C6orf118: variants seen among roughly 807,000 people sequenced by gnomAD.
The protein encoded by C6orf118 is uncharacterized protein C6orf118.
In C6orf118, 50 loss-of-function variants were observed where a neutral mutation model predicts 50.2. The ratio of observed to expected loss-of-function variants is 1.00; its 90% CI spans 0.79 to 1.26. The LOEUF (loss-of-function observed/expected upper bound fraction) is 1.26. Ranked by LOEUF, C6orf118 falls within the 50% of genes most tolerant of loss-of-function variation. C6orf118 has a pLI of 0.00. For missense variants in C6orf118, 641 were observed against 578.7 expected, an observed-to-expected ratio of 1.11 and a Z score of -1.10; for synonymous variants, 239 against 230.9, an observed-to-expected ratio of 1.03 and a Z score of -0.32.
rs772407168 is a variant in C6orf118 at position 165,301,720 on chromosome 6, T to C, written c.602A>G (p.Tyr201Cys). Residue 201 changes from tyrosine (Y) to cysteine (C), a missense_variant, in exon 2 of 9, where the codon TAT (tyrosine) becomes TGT (cysteine). Tyr to Cys is a radical substitution (Grantham distance 194). Transcript: ENST00000230301. The part of the protein sequence containing the change: ...GSRGTRDRHH[Y>C]VSSYLAGATS... ...GGCTCCGGCCAGGTAGGAGCTGACA[T>C]AGTGGTGCCGGTCCCTGGTGCCTCT... is the stretch of plus-strand genomic sequence containing the variant. 2 of 1,614,108 alleles carry C rather than the reference T, an allele frequency of 1.2e-6. No individual in the cohort carries two copies.
chr6:165,286,296 AT>A (rs538464483), intron 7 of C6orf118, among the ~76,000 whole-genome samples: 5 of 151,986 alleles, frequency 3.3e-5, no homozygotes, highest in East Asian at 1.9e-4. Context: ...TAGTCCACAA[AT>A]TTTTTTTAAA....
chr6:165,288,789 G>T (rs1780005266), intron 7 of C6orf118, among the ~76,000 whole-genome samples: 1 of 151,986 alleles, frequency 6.6e-6, no homozygotes, highest in Non-Finnish European at 1.5e-5. Context: ...TGTCAGGAGG[G>T]TGAAGGGAGG....
rs1159475888 is a variant in C6orf118 at position 165,302,164 on chromosome 6, CG to C, written c.157del (p.Arg53GlyfsTer12). 3.7e-6 allele frequency: 6 copies of C among 1,614,016 alleles called. No individual in the cohort carries two copies. The highest frequency in any genetic ancestry group is 5.1e-6 in the Non-Finnish European group (6 of 1,180,032). The stretch of plus-strand genomic sequence containing the variant: ...AGAGATGTAGAGGTAGACGTCCTCC[CG>C]GTGGTCTTTCTGAAGCCGATTCAGA... ...KLLNRLQKDH[R>X]EDVYLYISGH... On this transcript the variant is annotated frameshift_variant, in exon 2 of 9. Coordinates refer to ENST00000230301, the MANE Select transcript of C6orf118 (RefSeq NM_144980.4). LOFTEE classifies it high-confidence loss of function.
Position 165,302,293 on chromosome 6 carries a change from T to C in C6orf118, c.29A>G (p.Tyr10Cys), listed in dbSNP as rs1390914326. ...CGTCTCGCAGTGCTTCCACTTCAGGTACACTGGTCAGAAAAGAAAAGGAGG... is the reference window on the plus strand; with the variant it reads ...CGTCTCGCAGTGCTTCCACTTCAGGCACACTGGTCAGAAAAGAAAAGGAGG... MAEEREPEL[Y>C]LKWKHCETPG... Residue 10 changes from tyrosine to cysteine, a missense_variant, in exon 2 of 9, where the codon TAC becomes TGC. Physicochemically the swap from Tyr to Cys is radical, Grantham distance 194. Coordinates refer to ENST00000230301, the MANE Select transcript of C6orf118 (RefSeq NM_144980.4). 2 of 1,610,380 alleles carry C rather than the reference T, an allele frequency of 1.2e-6. No homozygotes were observed. The highest frequency in any genetic ancestry group is 1.7e-6 in the Non-Finnish European group (2 of 1,179,506).
At chr6:165,296,258 T>C (rs2208042) in intron 5 of C6orf118, among the ~76,000 whole-genome samples, 1 of 72,276 alleles carries the variant, frequency 1.4e-5, no homozygotes, top group Non-Finnish European at 2.7e-5. Context: ...TTGTTTTTTT[T>C]TTTTTTTTTT....
At chr6:165,297,923 G>T in intron 5 of C6orf118, 54 bp downstream of exon 5, 1 of 1,610,080 alleles carries the variant, frequency 6.2e-7, no homozygotes, top group South Asian at 1.1e-5. Context: ...AGCGGTTTCA[G>T]ACCTTGTTAC....
In C6orf118 at chr6:165,297,918, T is replaced by A. The variant is rs1289298761; in HGVS notation, c.1061+59A>T. On this transcript the variant is annotated intron_variant, in intron 5 of 8. Transcript: ENST00000230301. Reference sequence around the variant, plus strand: ...TGTAACCGTAGGCTTGTCACAGCGGTTTCAGACCTTGTTACGGAAGAATCT... The same window carrying A: ...TGTAACCGTAGGCTTGTCACAGCGGATTCAGACCTTGTTACGGAAGAATCT... 1.9e-6 allele frequency: 3 copies of A among 1,608,982 alleles called. No homozygotes were observed. The African/African-American group carries it at 4.0e-5, about 21-fold the overall frequency.
chr6:165,294,076 C>A (rs1186077360), intron 5 of C6orf118, among the ~76,000 whole-genome samples: 2 of 151,908 alleles, frequency 1.3e-5, no homozygotes, highest in Non-Finnish European at 2.9e-5. Context: ...GAAACCCCAT[C>A]TCCACTGAAA....
chr6:165,284,136 G>A (rs1779828016), intron 7 of C6orf118, among the ~76,000 whole-genome samples: 1 of 152,132 alleles, frequency 6.6e-6, no homozygotes, highest in South Asian at 2.1e-4. Context: ...AAATATAAAT[G>A]ACCTGATGGA....
chr6:165,282,584 A>G (rs1272846982), intron 7 of C6orf118, among the ~76,000 whole-genome samples: 1 of 151,086 alleles, frequency 6.6e-6, no homozygotes, highest in Non-Finnish European at 1.5e-5. Flanking sequence ...ATTAAATGAA[A>G]TTATATTTTT....
intron 1 of C6orf118, 78 bp downstream of exon 1, chr6:165,309,484 T>G: frequency 6.5e-7 from 1 of 1,535,592 alleles, no homozygotes; most frequent in Non-Finnish European, 9.0e-7. Context: ...TTCAAATCAG[T>G]CTTCAGAAGC....
intron 7 of C6orf118, among the ~76,000 whole-genome samples, chr6:165,284,164 A>T (rs112585088): frequency 0.03 from 4,620 of 152,270 alleles, 220 homozygotes; most frequent in African/African-American, 0.11. Flanking sequence ...AACACAACTC[A>T]AGAACTTCAC....
chr6:165,300,397 A>G lies in C6orf118; in HGVS notation c.843T>C (p.Ser281=), dbSNP rs1470346560. The change falls in exon 3 of 9, where the codon TCT becomes TCC. Residue 281 remains serine (S), a synonymous_variant. Transcript: ENST00000230301. ...TTTTCAAGAGATCACCAAATATCAA[A>G]GAACTGTTACAAATATCTTCAAAGA... ...GKVFEDICNS[S]LIFGDLLKKV... 1.2e-6 allele frequency: 2 copies of G among 1,614,060 alleles called. No individual in the cohort carries two copies. The highest frequency in any genetic ancestry group is 3.3e-5 in the Admixed American group (2 of 60,028).
At chr6:165,309,441 CGGCGTGCAGCCACCAGAAAAAGATTT>C in intron 1 of C6orf118, 95 bp downstream of exon 1, 1 of 1,195,936 alleles carries the variant, frequency 8.4e-7, no homozygotes, top group East Asian at 2.4e-5. Context: ...ACCCTGGAGC[CGGCGTGCAGCCACCAGAAAAAGATTT>C]TCACATTTCA....
chr6:165,284,203 T>C (rs902440048), intron 7 of C6orf118, among the ~76,000 whole-genome samples: 30 of 151,912 alleles, frequency 2.0e-4, no homozygotes, highest in African/African-American at 6.5e-4. Flanking sequence ...AATAGCCAAA[T>C]AGACCAAGTG....
At position 165,289,917 on chromosome 6, in the gene C6orf118, T is replaced by C. The variant is rs1175223772; in HGVS notation, c.1271A>G (p.Asp424Gly). ...GCTTTTAATCCTATTCTCAGTGATA[T>C]CTGAAATTCCAGTATGAACCAAAGT... is the stretch of plus-strand genomic sequence containing the variant. ...KTTLVHTGISDITENRIKSIE... is the reference protein window; with the variant it reads ...KTTLVHTGISGITENRIKSIE... The change falls in exon 7 of 9, where the codon GAT (aspartate) becomes GGT (glycine). Residue 424 changes from aspartate to glycine, a missense_variant. Transcript: ENST00000230301. 4 of 1,606,302 alleles carry C rather than the reference T, an allele frequency of 2.5e-6. No individual in the cohort carries two copies. Among genetic ancestry groups the C allele is most frequent in the Non-Finnish European group, 2.5e-6 (3 of 1,177,026 alleles).
chr6:165,295,206 G>T (rs2128160399), intron 5 of C6orf118, among the ~76,000 whole-genome samples: 1 of 152,006 alleles, frequency 6.6e-6, no homozygotes, highest in East Asian at 1.9e-4. Context: ...TCTTCCTTGG[G>T]TATTTCAGAA....
chr6:165,294,280 A>C (rs1780217348), intron 5 of C6orf118, among the ~76,000 whole-genome samples: 1 of 150,578 alleles, frequency 6.6e-6, no homozygotes, highest in African/African-American at 2.5e-5. Flanking sequence ...AAAAAAAAAA[A>C]AGTAAATAAA....
chr6:165,307,046 T>A (rs1452349485), intron 1 of C6orf118, among the ~76,000 whole-genome samples: 2 of 152,164 alleles, frequency 1.3e-5, no homozygotes, highest in East Asian at 3.8e-4. Context: ...AAATTTGCTG[T>A]CAGTAAAACC....
Sources: allele counts gnomAD v4.1 joint callset (sites outside exome capture counted in the v4.1 genomes callset), GRCh38; gene constraint gnomAD v4.1.1; transcripts MANE v1.5; gene names NCBI Gene and HGNC (gene_info 2026-07-23, HGNC 2026-07-21).